The following L3MBTL4 variants were observed in gnomAD, a reference collection of about 807,000 sequenced individuals.
The protein encoded by L3MBTL4 is lethal(3)malignant brain tumor-like protein 4.
L3MBTL4 carries 70 observed loss-of-function variants against 84.5 expected under a neutral mutation model. The ratio of observed to expected loss-of-function variants is 0.83; its 90% CI spans 0.68 to 1.01. The LOEUF (loss-of-function observed/expected upper bound fraction) is 1.01, where lower values mean the gene tolerates loss of function less well. L3MBTL4 is among the 50% of genes least tolerant of loss of function. The pLI, the probability that L3MBTL4 is intolerant of heterozygous loss-of-function variation, is 0.00. For synonymous variants in L3MBTL4, 274 were observed against 259.8 expected, an observed-to-expected ratio of 1.05 and a Z score of -0.52; for missense variants, 715 against 754.8, an observed-to-expected ratio of 0.95 and a Z score of 0.62.
At chr18:6,048,651 T>C (rs140394583) in intron 16 of L3MBTL4, among the ~76,000 whole-genome samples, 3,700 of 152,056 alleles carry the variant, frequency 0.024, 161 homozygotes, top group African/African-American at 0.085. Flanking sequence ...TAGCCGGGTG[T>C]GGTGGCGGGC....
intron 1 of L3MBTL4, among the ~76,000 whole-genome samples, chr18:6,343,265 T>TATATAGA (rs1164351301): frequency 9.2e-5 from 14 of 152,248 alleles, no homozygotes; most frequent in African/African-American, 3.4e-4. Context: ...ATAGAGAACA[T>TATATAGA]TCCATCCAAT....
intron 4 of L3MBTL4, among the ~76,000 whole-genome samples, chr18:6,300,610 G>A (rs540418306): frequency 3.9e-5 from 6 of 152,184 alleles, no homozygotes; most frequent in African/African-American, 7.2e-5. Context: ...AGTAAAAAAC[G>A]TTAGTTTGAA....
At chr18:5,983,376 G>C (rs182811326) in intron 16 of L3MBTL4, among the ~76,000 whole-genome samples, 1 of 152,092 alleles carries the variant, frequency 6.6e-6, no homozygotes, top group Non-Finnish European at 1.5e-5. Flanking sequence ...GTAGATAACC[G>C]AATCACTGCT....
intron 13 of L3MBTL4, among the ~76,000 whole-genome samples, chr18:6,144,885 T>C (rs1218078624): frequency 6.6e-6 from 1 of 152,102 alleles, no homozygotes; most frequent in Non-Finnish European, 1.5e-5. Flanking sequence ...GCAAAGGTGT[T>C]GAGGGAAGAA....
intron 1 of L3MBTL4, among the ~76,000 whole-genome samples, chr18:6,410,938 C>T (rs544689588): frequency 4.6e-5 from 7 of 152,278 alleles, no homozygotes; most frequent in African/African-American, 9.6e-5. Flanking sequence ...TCCATTACGG[C>T]GACATCATCC....
At chr18:6,351,226 T>C (rs2729736) in intron 1 of L3MBTL4, among the ~76,000 whole-genome samples, 41,367 of 151,718 alleles carry the variant, frequency 0.27, 7,375 homozygotes, top group African/African-American at 0.51. Flanking sequence ...CATAAATGAA[T>C]CTTGAAAACA....
intron 10 of L3MBTL4, among the ~76,000 whole-genome samples, chr18:6,217,226 A>C (rs904976361): frequency 2.0e-5 from 3 of 152,190 alleles, no homozygotes; most frequent in African/African-American, 7.2e-5. Context: ...ACACAGATCT[A>C]AACCAGGACA....
intron 1 of L3MBTL4, chr18:6,397,961 C>A (rs1010960252): frequency 6.6e-6 from 1 of 152,176 alleles, no homozygotes; most frequent in African/African-American, 2.4e-5. Flanking sequence ...TGCCACCTGC[C>A]CTTTCTTGGG....
chr18:6,174,234 T>C (rs527302372), intron 12 of L3MBTL4, among the ~76,000 whole-genome samples: 16 of 151,942 alleles, frequency 1.1e-4, no homozygotes, highest in Admixed American at 6.6e-4. Context: ...AAGCAGATGA[T>C]TGTGAGCCAT....
rs186601008 is a variant in L3MBTL4, at chr18:6,138,790, A to T, written c.1097-494T>A. Among the ~76,000 whole-genome samples, 174 of 152,276 alleles carry T rather than the reference A, an allele frequency of 1.1e-3. 1 individual carries two copies. The highest frequency in any genetic ancestry group is 4.0e-3 in the African/African-American group (167 of 41,552). On this transcript the variant is annotated intron_variant, in intron 13 of 18. Transcript: ENST00000317931. ...TGGTCTCGAACTCCTGACCTCAGGC[A>T]ATCTGCCCACCTCAGCCTCCCAAAG...
At chr18:6,234,797 C>G (rs1470558605) in intron 10 of L3MBTL4, among the ~76,000 whole-genome samples, 1 of 152,074 alleles carries the variant, frequency 6.6e-6, no homozygotes, top group Non-Finnish European at 1.5e-5. Context: ...TACCATTTGA[C>G]CCAGCGATCC....
chr18:6,377,037 GCA>G (rs1479090214), intron 1 of L3MBTL4, among the ~76,000 whole-genome samples: 1 of 152,164 alleles, frequency 6.6e-6, no homozygotes, highest in East Asian at 1.9e-4. Flanking sequence ...TTGGAGGAGG[GCA>G]CGGAGCACAA....
chr18:6,245,357 C>T (rs997848248), intron 5 of L3MBTL4, among the ~76,000 whole-genome samples: 16 of 152,044 alleles, frequency 1.1e-4, no homozygotes, highest in African/African-American at 3.6e-4. Context: ...CTATGAACTT[C>T]CCATTTATTC....
At chr18:6,283,210 C>G (rs2146604273) in intron 4 of L3MBTL4, among the ~76,000 whole-genome samples, 1 of 152,340 alleles carries the variant, frequency 6.6e-6, no homozygotes. Context: ...ATGCCTCTGT[C>G]ATTTTCCCAT....
At chr18:6,396,648 C>G (rs549736039) in intron 1 of L3MBTL4, 1 of 152,308 alleles carries the variant, frequency 6.6e-6, no homozygotes, top group East Asian at 1.9e-4. Flanking sequence ...AAGAATGTAC[C>G]TCTCAGTATG....
At chr18:6,165,253 C>T (rs1261863045) in intron 13 of L3MBTL4, among the ~76,000 whole-genome samples, 1 of 152,202 alleles carries the variant, frequency 6.6e-6, no homozygotes, top group East Asian at 1.9e-4. Context: ...TTGGAAAACA[C>T]TCTGCAGGAT....
At chr18:6,199,444 C>T (rs2045555026) in intron 12 of L3MBTL4, among the ~76,000 whole-genome samples, 2 of 152,246 alleles carry the variant, frequency 1.3e-5, no homozygotes, top group Non-Finnish European at 2.9e-5. Context: ...CTGGAGAGAA[C>T]AGAGAGATGC....
chr18:6,322,778 T>C (rs1184134130), intron 1 of L3MBTL4, among the ~76,000 whole-genome samples: 3 of 152,062 alleles, frequency 2.0e-5, no homozygotes, highest in African/African-American at 7.2e-5. Flanking sequence ...CTGAGGATGG[T>C]AAATGGGTAC....
rs747169772 is a variant in L3MBTL4, at chr18:5,956,346, G to A, written c.1719C>T (p.Asp573=). 6.2e-7 allele frequency: 1 copy of A among 1,614,098 alleles called. No individual in the cohort carries two copies. The highest frequency in any genetic ancestry group is 8.5e-7 in the Non-Finnish European group (1 of 1,180,004). The change falls in exon 19 of 19, where the codon GAC becomes GAT. Residue 573 remains aspartate, a synonymous_variant. Coordinates refer to ENST00000317931, the MANE Select transcript of L3MBTL4 (RefSeq NM_001330559.2). ...GKAFLLLTQT[D]IVKVMKIKLG... is the part of the protein sequence containing the mutation. ...GTTTGATCTTCATCACTTTGACAAT[G>A]TCCGTCTGTGTCAGAAGCAGGAAGG...
Sources: gnomAD v4.1 joint callset for allele counts (sites outside exome capture counted in the v4.1 genomes callset) on GRCh38, gnomAD v4.1.1 for gene constraint, MANE v1.5 for transcripts, NCBI Gene and HGNC (gene_info 2026-07-23, HGNC 2026-07-21) for gene names.